EP400: variants seen among roughly 807,000 people sequenced by gnomAD.
EP400 encodes the protein E1A-binding protein p400.
In EP400, 105 loss-of-function variants were observed where a neutral mutation model predicts 354.1. The observed-to-expected ratio is 0.30, with a 90% CI of 0.25 to 0.35. EP400 has a LOEUF of 0.35. EP400 is among the 10% of genes least tolerant of loss of function. The pLI is 1.00. For missense variants in EP400, 3,280 were observed against 4,121.0 expected (o/e 0.80, Z 5.59); for synonymous variants, 1,646 against 1,716.9 (o/e 0.96, Z 1.02).
In EP400 at chr12:131,982,251, A is replaced by C. The variant is rs1838709390; in HGVS notation, c.1702A>C (p.Thr568Pro). Residue 568 changes from threonine (T) to proline (P), a missense_variant, in exon 5 of 53, where the codon ACT (threonine) becomes CCT (proline). Around this residue, in one of 20 missense-constraint regions of EP400, gnomAD observed 800 missense variants for 840.0 expected, o/e 0.95. Transcript: ENST00000389561. ...GAGGCTGCCCCCAGCCGGTGTTCCC[A>C]CTGCAGCCCTCTCCTCTGCGCTGCA... ...PGRLPPAGVP[T>P]AALSSALQFA... 11 of 1,614,096 alleles carry C rather than the reference A, an allele frequency of 6.8e-6. No homozygotes were observed. The highest frequency in any genetic ancestry group is 1.1e-5 in the South Asian group (1 of 91,076).
chr12:131,988,020 G>A, intron 7 of EP400, 130 bp downstream of exon 7: 4 of 815,070 alleles, frequency 4.9e-6, no homozygotes, highest in Non-Finnish European at 6.9e-6. Flanking sequence ...CCCCAGACAG[G>A]GTCTTGCTCT....
chr12:132,020,181 G>A lies in EP400; in HGVS notation c.4410G>A (p.Pro1470=), dbSNP rs764755696. Residue 1470 remains proline, a synonymous_variant, in exon 22 of 53, where the codon CCG becomes CCA. Transcript: ENST00000389561. ...CACAGGGCCCGCTTCGAGGACGGCC[G>A]CCCATCGCCACGTTCTCTGCCAATC... ...AAPQGPLRGR[P]PIATFSANPE... is the part of the protein sequence containing the mutation. 4.3e-6 allele frequency: 7 copies of A among 1,609,956 alleles called. No homozygotes were observed. Among genetic ancestry groups the A allele is most frequent in the South Asian group, 2.2e-5 (2 of 90,078 alleles).
In EP400 at chr12:132,067,044, C is replaced by T. The variant is rs1442666321; in HGVS notation, c.8749+75C>T. Reference sequence around the variant, plus strand: ...AGGCCTCTCTGGTGGCAGTGGTCGCCAGCGACCCGTGTTCTTTCCTCACAC... The same window carrying T: ...AGGCCTCTCTGGTGGCAGTGGTCGCTAGCGACCCGTGTTCTTTCCTCACAC... On this transcript the variant is annotated intron_variant, in intron 49 of 52. Coordinates refer to ENST00000389561, the MANE Select transcript of EP400 (RefSeq NM_015409.5). This position sits in a 1 kb window ranked among gnomAD's most constrained non-coding sequence, Gnocchi z 5.3. 1 of 1,442,824 alleles carries T rather than the reference C, an allele frequency of 6.9e-7. No individual in the cohort carries two copies. Among genetic ancestry groups the T allele is most frequent in the Non-Finnish European group, 9.1e-7 (1 of 1,096,590 alleles). 89.4% of individuals were successfully genotyped at this position (1,442,824 alleles called of 1,614,324 possible).
At chr12:132,015,387 C>G (rs943340827) in intron 19 of EP400, among the ~76,000 whole-genome samples, 1 of 152,204 alleles carries the variant, frequency 6.6e-6, no homozygotes, top group African/African-American at 2.4e-5. Flanking sequence ...TGAAATCAGC[C>G]TATGTCAGCT....
intron 47 of EP400, among the ~76,000 whole-genome samples, chr12:132,063,693 G>C (rs1019358882): frequency 2.0e-5 from 3 of 152,132 alleles, no homozygotes; most frequent in Admixed American, 6.5e-5. Flanking sequence ...TGGGCTGCAG[G>C]AGACGCACAC....
At position 132,045,625 on chromosome 12, in the gene EP400, A is replaced by G. The variant is rs974496850; in HGVS notation, c.7026+65A>G. On this transcript the variant is annotated intron_variant, in intron 38 of 52. Coordinates refer to ENST00000389561, the MANE Select transcript of EP400 (RefSeq NM_015409.5). The stretch of plus-strand genomic sequence containing the variant: ...TCATTTTTCTAACGCACGTCCGTGC[A>G]TCCAGCTCACTGTGATCACTTTGCA... 23 of 1,605,212 alleles carry G rather than the reference A, an allele frequency of 1.4e-5. No individual in the cohort carries two copies. The African/African-American group carries it at 2.5e-4, about 18-fold the overall frequency.
intron 2 of EP400, among the ~76,000 whole-genome samples, chr12:131,975,342 C>T (rs1892435676): frequency 6.6e-6 from 1 of 152,178 alleles, no homozygotes; most frequent in African/African-American, 2.4e-5. Flanking sequence ...GTCTGTTCCC[C>T]ATTGGATTGC....
chr12:131,967,050 G>C (rs1187400735), intron 2 of EP400, among the ~76,000 whole-genome samples: 3 of 151,854 alleles, frequency 2.0e-5, no homozygotes, highest in Admixed American at 6.6e-5. Context: ...CTCCATCCTG[G>C]GCCACAGGGC....
intron 7 of EP400, among the ~76,000 whole-genome samples, chr12:131,988,551 G>A (rs1222311642): frequency 6.6e-6 from 1 of 152,198 alleles, no homozygotes; most frequent in Non-Finnish European, 1.5e-5. Flanking sequence ...TGGGCTTCTA[G>A]TCTAGCTTTC....
intron 32 of EP400, among the ~76,000 whole-genome samples, chr12:132,042,653 G>T (rs1894953268): frequency 6.6e-6 from 1 of 152,156 alleles, no homozygotes. Flanking sequence ...TTTTTAATTT[G>T]TATCTTCTAA....
In EP400 at chr12:132,064,742, G is replaced by A. The variant is rs368496363; in HGVS notation, c.8409G>A (p.Ala2803=). The change falls in exon 48 of 53, where the codon GCG becomes GCA. Residue 2803 remains alanine (A), a synonymous_variant. Coordinates refer to ENST00000389561, the MANE Select transcript of EP400 (RefSeq NM_015409.5). ...PQPPPPQAQS[A]PPQPTAQVQV... is the part of the protein sequence containing the mutation. Reference sequence around the variant, plus strand: ...CCCCACCGCCACAGGCCCAGTCTGCGCCCCCGCAGCCAACAGCCCAAGTGC... The same window carrying A: ...CCCCACCGCCACAGGCCCAGTCTGCACCCCCGCAGCCAACAGCCCAAGTGC... The A allele has an allele frequency of 1.9e-4, 311 of 1,613,594 alleles. 1 individual carries two copies. Among genetic ancestry groups the A allele is most frequent in the Middle Eastern group, 8.3e-4 (5 of 6,058 alleles).
In EP400 at chr12:132,038,754, C is replaced by T. The variant is rs1894797513; in HGVS notation, c.6207+658C>T. On this transcript the variant is annotated intron_variant, in intron 32 of 52. Transcript: ENST00000389561. The surrounding 1 kb of genome is among the most constrained non-coding windows in gnomAD (Gnocchi z 4.2). ...CCCGTCACGGGGCCGCTGTTCCCTC[C>T]CTGTCCCCGTGGCTTGCCCGCCAAA... is the stretch of plus-strand genomic sequence containing the variant. Among the ~76,000 whole-genome samples, 1 of 152,176 alleles carries T rather than the reference C, an allele frequency of 6.6e-6. No homozygotes were observed. The highest frequency in any genetic ancestry group is 2.1e-4 in the South Asian group (1 of 4,830).
chr12:131,951,089 TG>T (rs1451900721), intron 1 of EP400, among the ~76,000 whole-genome samples: 3 of 127,634 alleles, frequency 2.4e-5, no homozygotes, highest in African/African-American at 6.5e-5. Flanking sequence ...TTTTTTTTTT[TG>T]GATTTTTAGT....
chr12:131,993,713 G>T (rs764917585), intron 11 of EP400, among the ~76,000 whole-genome samples: 11 of 152,188 alleles, frequency 7.2e-5, no homozygotes, highest in Non-Finnish European at 1.3e-4. Context: ...CTGCACACAG[G>T]TGACTCTCCT....
At chr12:132,012,966 C>T (rs1213908822) in intron 16 of EP400, 43 bp from the exon 17 acceptor site, 2 of 1,518,176 alleles carry the variant, frequency 1.3e-6, no homozygotes, top group Non-Finnish European at 1.8e-6. Flanking sequence ...TTTTGAAAGA[C>T]AGTGGAGTGT....
chr12:132,021,192 C>G lies in EP400; in HGVS notation c.4561C>G (p.Gln1521Glu), dbSNP rs1360144498. The change falls in exon 23 of 53, where the codon CAG (glutamine) becomes GAG (glutamate). Residue 1521 changes from glutamine (Q) to glutamate (E), a missense_variant. Around this residue, in one of 20 missense-constraint regions of EP400, gnomAD observed 342 missense variants for 342.7 expected, o/e 1.00. Transcript: ENST00000389561. ...GGCCCATCCTGCGAAACTGCGGGCC[C>G]AGACCACAGCACAGGCCTCCACCCC... ...SPAHPAKLRA[Q>E]TTAQASTPGQ... 6.2e-7 allele frequency: 1 copy of G among 1,600,764 alleles called. No homozygotes were observed.
At chr12:132,004,950 A>C (rs1312584177) in intron 12 of EP400, 127 bp from the exon 13 acceptor site, 1 of 732,330 alleles carries the variant, frequency 1.4e-6, no homozygotes, top group Non-Finnish European at 2.5e-6. Flanking sequence ...AAGCTGGAAA[A>C]AGGAATACAT....
chr12:132,031,091 G>A, intron 29 of EP400: 1 of 413,872 alleles, frequency 2.4e-6, no homozygotes, highest in South Asian at 1.9e-5. Context: ...ATGCCTGGAA[G>A]GAAGAGAGTT....
Position 131,992,248 on chromosome 12 carries a change from A to G in EP400, c.2737+18A>G, listed in dbSNP as rs1893064828. 14 of 1,605,712 alleles carry G rather than the reference A, an allele frequency of 8.7e-6. No homozygotes were observed. Among genetic ancestry groups the G allele is most frequent in the Admixed American group, 1.7e-5 (1 of 59,534 alleles). On this transcript the variant is annotated intron_variant, in intron 11 of 52. Transcript: ENST00000389561. ...TGACGAAGGTCTGTTCCCCCTCAGC[A>G]CTATCTTTGTCATCTCCAGGGCTGC...
Sources: gnomAD v4.1 joint callset for allele counts (sites outside exome capture counted in the v4.1 genomes callset) on GRCh38, gnomAD v4.1.1 for gene constraint, gnomAD v4.1.1 regional missense constraint, Gnocchi (gnomAD v3.1) non-coding constraint, MANE v1.5 for transcripts, NCBI Gene and HGNC (gene_info 2026-07-23, HGNC 2026-07-21) for gene names.